The following RASEF variants were observed in gnomAD, a reference collection of about 807,000 sequenced individuals.
RASEF encodes RAS and EF-hand domain containing.
Under a neutral mutation model 90.1 loss-of-function variants are expected in RASEF, and 68 were observed. That is an observed-to-expected ratio of 0.75 (90% CI 0.62 to 0.92). The LOEUF (loss-of-function observed/expected upper bound fraction) is 0.92, where lower values mean the gene tolerates loss of function less well. RASEF is among the 40% of genes least tolerant of loss of function. The pLI, the probability that RASEF is intolerant of heterozygous loss-of-function variation, is 0.00. For synonymous variants in RASEF, 331 were observed against 345.2 expected (o/e 0.96, Z 0.46); for missense variants, 949 against 937.2 (o/e 1.01, Z -0.16).
the RASEF span, among the ~76,000 whole-genome samples, chr9:83,141,532 T>C: frequency 6.6e-6 from 1 of 152,212 alleles, no homozygotes; most frequent in South Asian, 2.1e-4. Flanking sequence ...AACAAGAATC[T>C]TGAAGGATTT....
At chr9:83,080,100 T>C in the RASEF span, among the ~76,000 whole-genome samples, 2 of 152,188 alleles carry the variant, frequency 1.3e-5, no homozygotes, top group South Asian at 4.1e-4. Context: ...AGTACCACAT[T>C]TGTGCCCTCC....
At chr9:83,015,001 T>A (rs945156864) in intron 4 of RASEF, among the ~76,000 whole-genome samples, 3 of 152,070 alleles carry the variant, frequency 2.0e-5, no homozygotes, top group African/African-American at 2.4e-5. Flanking sequence ...ACAAACAAAC[T>A]AATCACATCT....
the RASEF span, among the ~76,000 whole-genome samples, chr9:83,153,446 C>T: frequency 4.6e-5 from 7 of 152,268 alleles, no homozygotes; most frequent in Non-Finnish European, 8.8e-5. Flanking sequence ...AAAAAATTGT[C>T]GCTGAGTTTA....
intron 1 of RASEF, among the ~76,000 whole-genome samples, chr9:83,031,968 T>G (rs1829655465): frequency 6.6e-6 from 1 of 152,070 alleles, no homozygotes; most frequent in Non-Finnish European, 1.5e-5. Flanking sequence ...TTGGCAATTC[T>G]CACACCTGAT....
the RASEF span, among the ~76,000 whole-genome samples, chr9:83,155,862 C>A: frequency 3.3e-5 from 5 of 152,178 alleles, no homozygotes; most frequent in Admixed American, 3.3e-4. Flanking sequence ...CAGCAGTCAA[C>A]TGCCAGCATG....
At chr9:83,185,468 G>A in the RASEF span, among the ~76,000 whole-genome samples, 1 of 151,392 alleles carries the variant, frequency 6.6e-6, no homozygotes, top group Non-Finnish European at 1.5e-5. Flanking sequence ...ATTGGACTCT[G>A]TGCTCTCTAA....
At chr9:83,074,447 C>T in the RASEF span, among the ~76,000 whole-genome samples, 1 of 152,086 alleles carries the variant, frequency 6.6e-6, no homozygotes, top group South Asian at 2.1e-4. Context: ...TAAAAACCAG[C>T]CATATTCCAA....
chr9:83,178,904 G>A, the RASEF span, among the ~76,000 whole-genome samples: 3 of 151,954 alleles, frequency 2.0e-5, no homozygotes, highest in East Asian at 3.9e-4. Context: ...TCCATATTCC[G>A]CTACTGCCAA....
At chr9:83,100,321 A>G in the RASEF span, among the ~76,000 whole-genome samples, 1 of 152,226 alleles carries the variant, frequency 6.6e-6, no homozygotes, top group Admixed American at 6.5e-5. Flanking sequence ...AGGCAAGAAC[A>G]GCTCAGAGCC....
At chr9:83,031,711 A>G (rs1413631562) in intron 1 of RASEF, among the ~76,000 whole-genome samples, 2 of 152,218 alleles carry the variant, frequency 1.3e-5, no homozygotes, top group Non-Finnish European at 1.5e-5. Context: ...GACATGTTTT[A>G]TTGCTACAAG....
chr9:83,061,898 A>G (rs906344956), intron 1 of RASEF, among the ~76,000 whole-genome samples: 3 of 152,268 alleles, frequency 2.0e-5, no homozygotes, highest in African/African-American at 7.2e-5. Flanking sequence ...TGTTATGAAA[A>G]TTAAATGCGT....
the RASEF span, among the ~76,000 whole-genome samples, chr9:83,183,557 C>A: frequency 6.6e-6 from 1 of 152,086 alleles, no homozygotes; most frequent in African/African-American, 2.4e-5. Context: ...CAGGGTTTTT[C>A]TTCCCACTGT....
chr9:83,053,143 G>A (rs1193515083), intron 1 of RASEF, among the ~76,000 whole-genome samples: 1 of 61,768 alleles, frequency 1.6e-5, no homozygotes, highest in Non-Finnish European at 2.8e-5. Context: ...TGACAGTGGG[G>A]TGTTAAAGTC....
the RASEF span, among the ~76,000 whole-genome samples, chr9:83,201,466 A>C: frequency 6.6e-6 from 1 of 152,194 alleles, no homozygotes; most frequent in South Asian, 2.1e-4. Context: ...CCAAATAGTA[A>C]GTGGATTCTG....
chr9:83,138,146 C>T, the RASEF span, among the ~76,000 whole-genome samples: 2 of 151,974 alleles, frequency 1.3e-5, no homozygotes, highest in African/African-American at 2.4e-5. Flanking sequence ...AGGTCTAAAA[C>T]GTCCTTGGTA....
At chr9:83,029,908 T>C (rs1190270934) in intron 1 of RASEF, among the ~76,000 whole-genome samples, 1 of 152,228 alleles carries the variant, frequency 6.6e-6, no homozygotes, top group African/African-American at 2.4e-5. Context: ...AAGCCATATT[T>C]ATTACGGGGC....
chr9:83,111,688 T>G, the RASEF span, among the ~76,000 whole-genome samples: 232 of 152,234 alleles, frequency 1.5e-3, no homozygotes, highest in East Asian at 0.015. Flanking sequence ...TCATTTTTTT[T>G]TGTGCATTTC....
the RASEF span, among the ~76,000 whole-genome samples, chr9:83,171,504 G>A: frequency 6.6e-6 from 1 of 151,748 alleles, no homozygotes; most frequent in Non-Finnish European, 1.5e-5. Context: ...AGTAGAATTG[G>A]CATTAGTTCT....
At chr9:83,159,963 TG>T in the RASEF span, among the ~76,000 whole-genome samples, 1 of 152,218 alleles carries the variant, frequency 6.6e-6, no homozygotes, top group Non-Finnish European at 1.5e-5. Flanking sequence ...TCTCTTCTCT[TG>T]TTTGCTGCCA....
Sources: gnomAD v4.1 joint callset for allele counts (sites outside exome capture counted in the v4.1 genomes callset) on GRCh38, gnomAD v4.1.1 for gene constraint, MANE v1.5 for transcripts, NCBI Gene and HGNC (gene_info 2026-07-23, HGNC 2026-07-21) for gene names.